Variants in ANKH observed in about 807,000 individuals in gnomAD.
ANKH encodes mineralization regulator ANKH.
ANKH carries 15 observed loss-of-function variants against 49.0 expected under a neutral mutation model. The observed-to-expected ratio is 0.31, with a 90% CI of 0.20 to 0.47. The LOEUF is 0.47. Ranked by LOEUF, ANKH falls within the 20% of genes least tolerant of loss-of-function variation. The pLI is 1.00. For synonymous variants in ANKH, 273 were observed against 260.0 expected, an observed-to-expected ratio of 1.05 and a Z score of -0.48; for missense variants, 429 against 652.0, an observed-to-expected ratio of 0.66 and a Z score of 3.72.
intron 2 of ANKH, among the ~76,000 whole-genome samples, chr5:14,759,018 A>G (rs1461538940): frequency 1.3e-5 from 2 of 152,346 alleles, no homozygotes; most frequent in Middle Eastern, 3.4e-3. Flanking sequence ...TCATTTTGAT[A>G]CTAGAAAAGA....
chr5:14,850,594 A>AG (rs1306659299), intron 1 of ANKH, among the ~76,000 whole-genome samples: 1 of 152,240 alleles, frequency 6.6e-6, no homozygotes, highest in Non-Finnish European at 1.5e-5. Flanking sequence ...ATGGGGACAG[A>AG]GTGTGGCAGT....
At chr5:14,711,942 T>C (rs142219556) in intron 11 of ANKH, among the ~76,000 whole-genome samples, 227 of 152,342 alleles carry the variant, frequency 1.5e-3, no homozygotes, top group African/African-American at 5.2e-3. Flanking sequence ...TTGTCCTCTG[T>C]CTGCCAACCC....
intron 1 of ANKH, chr5:14,797,297 AAAC>A (rs1346898593): frequency 1.2e-5 from 19 of 1,539,034 alleles, no homozygotes; most frequent in African/African-American, 5.5e-5. Flanking sequence ...CACCATGAAT[AAAC>A]AACAACTCTG....
Position 14,846,300 on chromosome 5 carries a change from C to G in ANKH, c.96+25052G>C, listed in dbSNP as rs1741958321. On this transcript the variant is annotated intron_variant, in intron 1 of 11. Transcript: ENST00000284268. ...CTAAGTGTCTACTATTTCCATGATA[C>G]AAGGATTCCCACTGCTTTCCTTTAA... is the stretch of plus-strand genomic sequence containing the variant. 2.0e-5 allele frequency among the ~76,000 whole-genome samples: 3 copies of G among 152,158 alleles called. No homozygotes were observed. The South Asian group carries it at 6.2e-4, about 32-fold the overall frequency.
chr5:14,725,950 A>C lies in ANKH; in HGVS notation c.1012-9115T>G, dbSNP rs1217608045. On this transcript the variant is annotated intron_variant, in intron 8 of 11. Coordinates refer to ENST00000284268, the MANE Select transcript of ANKH (RefSeq NM_054027.6). The surrounding 1 kb of genome is among the most constrained non-coding windows in gnomAD (Gnocchi z 4.0). ...TAGTAGAGATGGGGTTTCACCATGC[A>C]GAAAAACATTTTTAAATAAAACAGA... Among the ~76,000 whole-genome samples, 1 of 152,150 alleles carries C rather than the reference A, an allele frequency of 6.6e-6. No homozygotes were observed. Among genetic ancestry groups the C allele is most frequent in the Non-Finnish European group, 1.5e-5 (1 of 68,036 alleles).
chr5:14,718,839 CAAA>C (rs1391402293), intron 8 of ANKH, among the ~76,000 whole-genome samples: 1 of 133,824 alleles, frequency 7.5e-6, no homozygotes, highest in Non-Finnish European at 1.6e-5. Flanking sequence ...ACCCCCCCCC[CAAA>C]AAAAAAAGAC....
intron 8 of ANKH, among the ~76,000 whole-genome samples, chr5:14,720,333 A>T (rs1300164925): frequency 2.6e-5 from 4 of 152,212 alleles, no homozygotes; most frequent in Non-Finnish European, 5.9e-5. Flanking sequence ...CTTGGAGCTC[A>T]GGGACTTTAT....
At chr5:14,857,335 G>T (rs540319134) in intron 1 of ANKH, among the ~76,000 whole-genome samples, 69 of 152,264 alleles carry the variant, frequency 4.5e-4, no homozygotes, top group African/African-American at 1.6e-3. Context: ...AAAAATGAAA[G>T]TCCAGAGGCA....
chr5:14,771,881 T>C (rs1489685123), intron 1 of ANKH, among the ~76,000 whole-genome samples: 2 of 131,676 alleles, frequency 1.5e-5, no homozygotes, highest in Admixed American at 1.7e-4. Context: ...GTCACTGCAC[T>C]CCAGTCTGGG....
chr5:14,799,532 C>T (rs368710104), intron 1 of ANKH, among the ~76,000 whole-genome samples: 4 of 152,136 alleles, frequency 2.6e-5, no homozygotes, highest in South Asian at 4.1e-4. Context: ...ATGCAGGTGG[C>T]GAACTTAAGC....
At position 14,770,364 on chromosome 5, in the gene ANKH, T is replaced by G. The variant is rs1214973437; in HGVS notation, c.97-1173A>C. Among the ~76,000 whole-genome samples, 1 of 152,154 alleles carries G rather than the reference T, an allele frequency of 6.6e-6. No individual in the cohort carries two copies. The highest frequency in any genetic ancestry group is 2.4e-5 in the African/African-American group (1 of 41,420). On this transcript the variant is annotated intron_variant, in intron 1 of 11. Transcript: ENST00000284268. The surrounding 1 kb of genome is among the most constrained non-coding windows in gnomAD (Gnocchi z 4.1). ...TCCCCCCTTATCCTTAGGGGATACA[T>G]TCTAAGACCCCCAGTGAATGCCTGA...
In ANKH at chr5:14,757,428, ATATTTTT is replaced by A. The variant is rs1342162147; in HGVS notation, c.432+1045_432+1051del. On this transcript the variant is annotated intron_variant, in intron 3 of 11. Transcript: ENST00000284268. ...CTTATTGGAACATATATATATATAT[ATATTTTT>A]TTTTTTTTTTTTTTGCTAAGTCTTT... Among the ~76,000 whole-genome samples, 208 of 128,088 alleles carry A rather than the reference ATATTTTT, an allele frequency of 1.6e-3. 1 individual carries two copies. Among genetic ancestry groups the A allele is most frequent in the African/African-American group, 2.6e-3 (81 of 31,054 alleles). The allele number at this position is 128,088 out of a possible 152,430, so 84.0% of individuals were successfully genotyped here.
At chr5:14,795,291 T>A (rs1452601961) in intron 1 of ANKH, among the ~76,000 whole-genome samples, 1 of 152,178 alleles carries the variant, frequency 6.6e-6, no homozygotes, top group African/African-American at 2.4e-5. Context: ...AAAATCCAAT[T>A]GTGACCTACT....
chr5:14,780,839 G>A (rs572083555), intron 1 of ANKH, among the ~76,000 whole-genome samples: 6 of 152,250 alleles, frequency 3.9e-5, no homozygotes, highest in South Asian at 4.1e-4. Context: ...CAACTCCTCC[G>A]TCTACAGCTT....
At chr5:14,723,731 G>A (rs1174678317) in intron 8 of ANKH, among the ~76,000 whole-genome samples, 1 of 152,224 alleles carries the variant, frequency 6.6e-6, no homozygotes. Flanking sequence ...TCTGAGACCA[G>A]CCATTGACCG....
chr5:14,844,670 C>T (rs1434814511), intron 1 of ANKH, among the ~76,000 whole-genome samples: 4 of 152,190 alleles, frequency 2.6e-5, no homozygotes, highest in Non-Finnish European at 5.9e-5. Flanking sequence ...AAGACGAGCC[C>T]CTTTCACTGT....
intron 1 of ANKH, among the ~76,000 whole-genome samples, chr5:14,851,557 G>C (rs1388782158): frequency 6.6e-6 from 1 of 152,198 alleles, no homozygotes; most frequent in Non-Finnish European, 1.5e-5. Context: ...GCAAGGGAAA[G>C]GCAATGTTCA....
chr5:14,829,184 CAAAAAAAAAAA>C (rs56223225), intron 1 of ANKH, among the ~76,000 whole-genome samples: 10 of 106,018 alleles, frequency 9.4e-5, no homozygotes, highest in Admixed American at 1.8e-4. Context: ...GACTCTGTCT[CAAAAAAAAAAA>C]AAAAAAAAAA....
rs549770200 is a variant in ANKH, at chr5:14,838,888, C to T, written c.96+32464G>A. On this transcript the variant is annotated intron_variant, in intron 1 of 11. Coordinates refer to ENST00000284268, the MANE Select transcript of ANKH (RefSeq NM_054027.6). Reference sequence around the variant, plus strand: ...AGTCCCTCCCAGCCCCTAAGGTGTGCGTATGTTGGCCAAGGAACCGACTCG... The same window carrying T: ...AGTCCCTCCCAGCCCCTAAGGTGTGTGTATGTTGGCCAAGGAACCGACTCG... 1.1e-4 allele frequency among the ~76,000 whole-genome samples: 17 copies of T among 152,208 alleles called. No individual in the cohort carries two copies. The East Asian group carries it at 2.9e-3, about 26-fold the overall frequency.
Sources: allele counts gnomAD v4.1 joint callset (sites outside exome capture counted in the v4.1 genomes callset), GRCh38; gene constraint gnomAD v4.1.1; non-coding constraint Gnocchi (gnomAD v3.1); transcripts MANE v1.5; gene names NCBI Gene and HGNC (gene_info 2026-07-23, HGNC 2026-07-21).